The following LNX1 variants were observed in gnomAD, a reference collection of about 807,000 sequenced individuals.
LNX1 encodes the protein ligand of numb-protein X 1.
A neutral mutation model predicts 68.4 loss-of-function variants in LNX1; 54 were observed. The observed-to-expected ratio is 0.79, with a 90% CI of 0.63 to 0.99. The LOEUF (loss-of-function observed/expected upper bound fraction) is 0.99. LNX1 is among the 50% of genes least tolerant of loss of function. LNX1 has a pLI of 0.00. For synonymous variants in LNX1, 336 were observed against 350.0 expected, an observed-to-expected ratio of 0.96 and a Z score of 0.45; for missense variants, 906 against 926.4, an observed-to-expected ratio of 0.98 and a Z score of 0.29.
intron 2 of LNX1, among the ~76,000 whole-genome samples, chr4:53,563,063 G>A (rs754757074): frequency 1.1e-4 from 16 of 152,046 alleles, no homozygotes; most frequent in East Asian, 3.9e-4. Flanking sequence ...AAAATTAGCC[G>A]GGCATGGTGG....
intron 2 of LNX1, among the ~76,000 whole-genome samples, chr4:53,614,350 C>T (rs1013475483): frequency 6.6e-5 from 10 of 152,172 alleles, no homozygotes; most frequent in East Asian, 3.9e-4. Context: ...CACACCATTT[C>T]ATCTCACAAA....
At chr4:53,616,311 G>C (rs1157341640) in intron 2 of LNX1, among the ~76,000 whole-genome samples, 1 of 152,094 alleles carries the variant, frequency 6.6e-6, no homozygotes, top group Non-Finnish European at 1.5e-5. Flanking sequence ...ACACTTAAAA[G>C]CTCATAGGAG....
At chr4:53,503,690 T>C (rs1579425337) in intron 4 of LNX1, among the ~76,000 whole-genome samples, 1 of 152,234 alleles carries the variant, frequency 6.6e-6, no homozygotes, top group African/African-American at 2.4e-5. Context: ...AAATGAGCAC[T>C]GGACCCCACC....
At chr4:53,495,363 G>T (rs1404002300) in intron 6 of LNX1, among the ~76,000 whole-genome samples, 1 of 152,122 alleles carries the variant, frequency 6.6e-6, no homozygotes, top group Non-Finnish European at 1.5e-5. Context: ...CAGAAAAGTG[G>T]ATTAGTTTGA....
intron 2 of LNX1, among the ~76,000 whole-genome samples, chr4:53,561,014 T>C (rs973008686): frequency 1.3e-5 from 2 of 152,212 alleles, no homozygotes; most frequent in African/African-American, 4.8e-5. Context: ...TTAAATGTTA[T>C]CTCAGATATC....
At chr4:53,609,726 T>TATATAATATACTATTATATATTAC (rs1733396738) in intron 2 of LNX1, among the ~76,000 whole-genome samples, 1 of 141,638 alleles carries the variant, frequency 7.1e-6, no homozygotes, top group Admixed American at 7.1e-5. Context: ...TATAGTACAA[T>TATATAATATACTATTATATATTAC]ATATAATATA....
At chr4:53,534,136 G>C in intron 2 of LNX1, among the ~76,000 whole-genome samples, 1 of 152,180 alleles carries the variant, frequency 6.6e-6, no homozygotes, top group East Asian at 1.9e-4. Context: ...GAAGCCTAGG[G>C]CCCAGTTACC....
chr4:53,565,162 T>G (rs1364197020), intron 2 of LNX1, among the ~76,000 whole-genome samples: 1 of 152,156 alleles, frequency 6.6e-6, no homozygotes, highest in Non-Finnish European at 1.5e-5. Flanking sequence ...CAGGGAGGCC[T>G]GCCTGCCTCT....
In LNX1 at chr4:53,591,369, A is replaced by T. The variant is rs1485110242; in HGVS notation, c.-87+19T>A. 7 of 985,094 alleles carry T rather than the reference A, an allele frequency of 7.1e-6. No homozygotes were observed. Among genetic ancestry groups the T allele is most frequent in the Non-Finnish European group, 8.4e-6 (7 of 829,798 alleles). The allele number at this position is 985,094 out of a possible 1,614,324, so 61.0% of individuals were successfully genotyped here. The stretch of plus-strand genomic sequence containing the variant: ...GTGGTCTAAATGCCAAGAGAGAAAA[A>T]TGGAGGGTTTCAACTCACCTCTTCA... On this transcript the variant is annotated intron_variant, in intron 1 of 10. Transcript: ENST00000263925.
At chr4:53,523,564 T>C (rs1409817715) in intron 2 of LNX1, among the ~76,000 whole-genome samples, 1 of 152,176 alleles carries the variant, frequency 6.6e-6, no homozygotes, top group Non-Finnish European at 1.5e-5. Flanking sequence ...TAGGATTACA[T>C]GCGTAAGCCA....
chr4:53,615,840 C>T lies in LNX1; in HGVS notation c.-215+677G>A, dbSNP rs148862051. On this transcript the variant is annotated intron_variant, in intron 2 of 3. Coordinates refer to the LNX1 transcript ENST00000504299. ...GATGTTTTGATACAGGCATGCAATG[C>T]GTAATAATCTTATCATGGAGAATGG... Among the ~76,000 whole-genome samples, 1,298 of 152,090 alleles carry T rather than the reference C, an allele frequency of 8.5e-3. 18 individuals are homozygous for T. The highest frequency in any genetic ancestry group is 0.03 in the African/African-American group (1,244 of 41,474).
At chr4:53,504,804 G>A (rs1185010943) in intron 4 of LNX1, among the ~76,000 whole-genome samples, 4 of 152,204 alleles carry the variant, frequency 2.6e-5, no homozygotes, top group Admixed American at 6.5e-5. Context: ...CAAGAAGAGA[G>A]ACATGGGGAA....
chr4:53,484,779 G>A (rs768944364), intron 6 of LNX1, among the ~76,000 whole-genome samples: 2 of 152,106 alleles, frequency 1.3e-5, no homozygotes, highest in Non-Finnish European at 2.9e-5. Context: ...AGTGTCTATT[G>A]TAACATCAAA....
chr4:53,507,978 T>A lies in LNX1; in HGVS notation c.622+8A>T. 6.2e-7 allele frequency: 1 copy of A among 1,607,346 alleles called. No individual in the cohort carries two copies. The highest frequency in any genetic ancestry group is 8.5e-7 in the Non-Finnish European group (1 of 1,174,382). On this transcript the variant is annotated splice_region_variant and intron_variant, in intron 3 of 10. Coordinates refer to ENST00000263925, the MANE Select transcript of LNX1 (RefSeq NM_001126328.3). Reference sequence around the variant, plus strand: ...GCCCATTCCCGGACAACCACCCATTTGACTCACCCCTAGTTCGGTTGCTCC... The same window carrying A: ...GCCCATTCCCGGACAACCACCCATTAGACTCACCCCTAGTTCGGTTGCTCC...
intron 1 of LNX1, among the ~76,000 whole-genome samples, chr4:53,622,722 A>T (rs1288223292): frequency 2.0e-5 from 3 of 152,210 alleles, no homozygotes; most frequent in African/African-American, 7.2e-5. Context: ...AGATAGCCCT[A>T]ACACAGTGCA....
intron 6 of LNX1, among the ~76,000 whole-genome samples, chr4:53,487,918 C>CTTT (rs1724419264): frequency 2.6e-5 from 4 of 152,156 alleles, no homozygotes; most frequent in Admixed American, 6.5e-5. Context: ...GTGGGGATGG[C>CTTT]TCTTTCTACA....
chr4:53,500,003 T>C (rs1195421085), intron 4 of LNX1: 1 of 152,254 alleles, frequency 6.6e-6, no homozygotes, highest in Non-Finnish European at 1.5e-5. Flanking sequence ...AGAAAACAGC[T>C]GCTCTAATTG....
chr4:53,476,715 C>T (rs754124074), intron 9 of LNX1, 38 bp downstream of exon 9: 1 of 1,550,580 alleles, frequency 6.4e-7, no homozygotes, highest in South Asian at 1.1e-5. Flanking sequence ...TAATCGTTTT[C>T]TCCCACGCCC....
intron 2 of LNX1, among the ~76,000 whole-genome samples, chr4:53,571,883 G>T (rs1354163967): frequency 6.6e-6 from 1 of 151,538 alleles, no homozygotes; most frequent in Non-Finnish European, 1.5e-5. Flanking sequence ...CTGGTCTCAA[G>T]CTCCTGGGCT....
Sources: allele counts gnomAD v4.1 joint callset (sites outside exome capture counted in the v4.1 genomes callset), GRCh38; gene constraint gnomAD v4.1.1; transcripts MANE v1.5; gene names NCBI Gene and HGNC (gene_info 2026-07-23, HGNC 2026-07-21).